QTMAN: variants seen among roughly 807,000 people sequenced by gnomAD.
QTMAN encodes tRNA-queuosine alpha-mannosyltransferase.
At chr2:144,208,567 A>T in the QTMAN span, 15 of 1,584,008 alleles carry the variant, frequency 9.5e-6, no homozygotes, top group Middle Eastern at 8.4e-4. Flanking sequence ...GGTACTTTTT[A>T]AAAAACGCTG....
At chr2:144,070,796 T>A in the QTMAN span, among the ~76,000 whole-genome samples, 2 of 152,152 alleles carry the variant, frequency 1.3e-5, no homozygotes, top group Admixed American at 1.3e-4. Flanking sequence ...AACCCATATA[T>A]CAATCTGGAA....
chr2:144,306,055 T>C, the QTMAN span, among the ~76,000 whole-genome samples: 1 of 152,228 alleles, frequency 6.6e-6, no homozygotes, highest in Non-Finnish European at 1.5e-5. Flanking sequence ...CGACAAATTG[T>C]CTTGGCTAGA....
the QTMAN span, among the ~76,000 whole-genome samples, chr2:144,170,525 G>T: frequency 1.3e-5 from 2 of 152,120 alleles, no homozygotes; most frequent in African/African-American, 4.8e-5. Context: ...ATCTTTTATA[G>T]TAGCTGCAAG....
the QTMAN span, among the ~76,000 whole-genome samples, chr2:144,326,464 G>A: frequency 1.3e-3 from 190 of 151,964 alleles, 1 homozygote; most frequent in African/African-American, 4.0e-3. Flanking sequence ...GTGGGTGCCT[G>A]TAGTCCCAGC....
chr2:144,172,060 A>G, the QTMAN span, among the ~76,000 whole-genome samples: 10 of 152,250 alleles, frequency 6.6e-5, no homozygotes, highest in South Asian at 1.9e-3. Flanking sequence ...AAATCTTATG[A>G]CATAAAAAGT....
At chr2:144,041,447 C>A in the QTMAN span, among the ~76,000 whole-genome samples, 2 of 152,118 alleles carry the variant, frequency 1.3e-5, no homozygotes, top group Non-Finnish European at 2.9e-5. Flanking sequence ...CATACCAGTA[C>A]CTGTAATGTA....
chr2:144,104,653 C>T, the QTMAN span, among the ~76,000 whole-genome samples: 1 of 152,208 alleles, frequency 6.6e-6, no homozygotes, highest in Admixed American at 6.5e-5. Flanking sequence ...AGGAGGCCTG[C>T]CTGCCTCTGT....
At chr2:143,945,793 A>G in the QTMAN span, 1 of 152,246 alleles carries the variant, frequency 6.6e-6, no homozygotes, top group Non-Finnish European at 1.5e-5. Flanking sequence ...AAGATGGTTT[A>G]TCAACAGACT....
the QTMAN span, among the ~76,000 whole-genome samples, chr2:144,095,736 A>G: frequency 6.6e-6 from 1 of 152,156 alleles, no homozygotes; most frequent in Non-Finnish European, 1.5e-5. Flanking sequence ...TTCCGCCAGC[A>G]TTGCAATTAT....
At chr2:144,057,920 C>A in the QTMAN span, among the ~76,000 whole-genome samples, 96 of 152,168 alleles carry the variant, frequency 6.3e-4, no homozygotes, top group African/African-American at 2.3e-3. Context: ...CTCAAATCTT[C>A]CCACCTCAGT....
chr2:144,185,859 C>T, the QTMAN span, among the ~76,000 whole-genome samples: 1 of 152,076 alleles, frequency 6.6e-6, no homozygotes, highest in Non-Finnish European at 1.5e-5. Context: ...AATCAATGAG[C>T]AGAAATTGCT....
chr2:144,278,858 T>C, the QTMAN span, among the ~76,000 whole-genome samples: 5 of 152,326 alleles, frequency 3.3e-5, no homozygotes, highest in East Asian at 7.7e-4. Context: ...ATGATGATTA[T>C]AATGATAATA....
At chr2:144,060,382 TCCTGAGTAGCTGGGATTATAGGCG>T in the QTMAN span, among the ~76,000 whole-genome samples, 1 of 152,124 alleles carries the variant, frequency 6.6e-6, no homozygotes, top group South Asian at 2.1e-4. Context: ...TGCCTCAGCC[TCCTGAGTAGCTGGGATTATAGGCG>T]CCTGGCACCA....
chr2:144,263,329 C>G, the QTMAN span, among the ~76,000 whole-genome samples: 1 of 152,122 alleles, frequency 6.6e-6, no homozygotes. Context: ...CTCTGATGGT[C>G]TCTTTTACAC....
the QTMAN span, among the ~76,000 whole-genome samples, chr2:144,096,144 C>T: frequency 6.6e-6 from 1 of 152,098 alleles, no homozygotes; most frequent in African/African-American, 2.4e-5. Flanking sequence ...CTTTAAATAA[C>T]AGATCTTTTG....
At chr2:143,994,364 A>C in the QTMAN span, among the ~76,000 whole-genome samples, 1 of 152,218 alleles carries the variant, frequency 6.6e-6, no homozygotes, top group African/African-American at 2.4e-5. Context: ...TTTATTAGAT[A>C]ACTCAGTGAT....
At chr2:144,229,189 T>C in the QTMAN span, among the ~76,000 whole-genome samples, 5 of 152,204 alleles carry the variant, frequency 3.3e-5, no homozygotes, top group Non-Finnish European at 7.3e-5. Flanking sequence ...ATAATCATTC[T>C]CTATGTATGT....
the QTMAN span, among the ~76,000 whole-genome samples, chr2:143,953,311 T>TTACAATTACAATTACAA: frequency 6.6e-6 from 1 of 151,910 alleles, no homozygotes; most frequent in Non-Finnish European, 1.5e-5. Flanking sequence ...CAGAAAAAAA[T>TTACAATTACAATTACAA]TTACAATCTG....
At chr2:144,223,293 T>C in the QTMAN span, among the ~76,000 whole-genome samples, 2 of 152,122 alleles carry the variant, frequency 1.3e-5, no homozygotes, top group Non-Finnish European at 2.9e-5. Context: ...ATATGAAATA[T>C]ATAAATACAA....
Sources: gnomAD v4.1 joint callset for allele counts (sites outside exome capture counted in the v4.1 genomes callset) on GRCh38, gnomAD v4.1.1 for gene constraint, MANE v1.5 for transcripts, NCBI Gene and HGNC (gene_info 2026-07-23, HGNC 2026-07-21) for gene names.